Variants in ABI2 observed in about 807,000 individuals in gnomAD.
ABI2 encodes the protein abelson interactor 2.
Under a neutral mutation model 59.2 loss-of-function variants are expected in ABI2, and 25 were observed. The observed-to-expected ratio is 0.42, with a 90% CI of 0.31 to 0.59. The LOEUF (loss-of-function observed/expected upper bound fraction) is 0.59. Ranked by LOEUF, ABI2 falls within the 20% of genes least tolerant of loss-of-function variation. The pLI is 0.14. For synonymous variants in ABI2, 213 were observed against 235.5 expected (o/e 0.90, Z 0.87); for missense variants, 545 against 681.8 (o/e 0.80, Z 2.23).
chr2:203,426,129 T>A (rs1445448101), intron 11 of ABI2, among the ~76,000 whole-genome samples: 2 of 152,218 alleles, frequency 1.3e-5, no homozygotes, highest in Non-Finnish European at 2.9e-5. Context: ...GAAACAAATT[T>A]TCTTTAGGGC....
chr2:203,380,531 C>A, intron 3 of ABI2, 147 bp downstream of exon 3: 1 of 459,750 alleles, frequency 2.2e-6, no homozygotes, highest in Non-Finnish European at 3.7e-6. Context: ...GCTACTATAA[C>A]TGTTTTACCC....
intron 9 of ABI2, 65 bp from the exon 10 acceptor site, chr2:203,411,220 T>C: frequency 8.3e-7 from 1 of 1,206,344 alleles, no homozygotes; most frequent in Non-Finnish European, 1.2e-6. Flanking sequence ...TTTATTGTAT[T>C]ATCCTTTCCT....
intron 11 of ABI2, among the ~76,000 whole-genome samples, chr2:203,417,513 A>C (rs374109398): frequency 1.3e-5 from 2 of 152,206 alleles, no homozygotes; most frequent in East Asian, 3.8e-4. Flanking sequence ...GCCAAGTAAT[A>C]TTGGGCATTT....
intron 4 of ABI2, among the ~76,000 whole-genome samples, chr2:203,390,387 T>A (rs551050315): frequency 1.7e-3 from 265 of 152,330 alleles, no homozygotes; most frequent in South Asian, 1.7e-3. Flanking sequence ...ATCCTAGCAC[T>A]TTGGGAGGCC....
intron 1 of ABI2, among the ~76,000 whole-genome samples, chr2:203,336,551 A>G (rs148113824): frequency 7.5e-4 from 114 of 152,294 alleles, no homozygotes; most frequent in Middle Eastern, 3.4e-3. Flanking sequence ...CCATGAGATG[A>G]GGCTCTCTAT....
At chr2:203,348,934 T>G (rs1224509384) in intron 1 of ABI2, among the ~76,000 whole-genome samples, 1 of 152,042 alleles carries the variant, frequency 6.6e-6, no homozygotes, top group Non-Finnish European at 1.5e-5. Context: ...GTTTGTTTGT[T>G]TGTTTGTTTG....
intron 1 of ABI2, 144 bp from the exon 2 acceptor site, chr2:203,366,733 C>T (rs2094485816): frequency 1.4e-6 from 1 of 704,194 alleles, no homozygotes; most frequent in East Asian, 2.9e-5. Context: ...TTATGTGATA[C>T]CAGTAGTTTT....
In ABI2 at chr2:203,382,013, A is replaced by G. The variant is rs190582792; in HGVS notation, c.463-176A>G. On this transcript the variant is annotated intron_variant, in intron 3 of 11. Coordinates refer to ENST00000261018, the MANE Select transcript of ABI2 (RefSeq NM_001375670.1). ...AAATTCATCAGAGAAACTTCTGTTCATGACACATTCTGCTTTAACCACTCT... is the reference window on the plus strand; with the variant it reads ...AAATTCATCAGAGAAACTTCTGTTCGTGACACATTCTGCTTTAACCACTCT... 3.9e-5 allele frequency among the ~76,000 whole-genome samples: 6 copies of G among 152,318 alleles called. No homozygotes were observed. The East Asian group carries it at 1.2e-3, about 29-fold the overall frequency.
At chr2:203,396,703 A>G in intron 7 of ABI2, 82 bp from the exon 8 acceptor site, 1 of 1,350,312 alleles carries the variant, frequency 7.4e-7, no homozygotes, top group Non-Finnish European at 9.5e-7. Context: ...AATATCTAAC[A>G]TTAAATACTC....
Position 203,377,608 on chromosome 2 carries a change from C to T in ABI2, c.286-2600C>T, listed in dbSNP as rs76042865. Among the ~76,000 whole-genome samples, 800 of 152,236 alleles carry T rather than the reference C, an allele frequency of 5.3e-3. 26 individuals are homozygous for T. The East Asian group carries it at 0.08, about 15-fold the overall frequency. ...ATACTTTTAATGATTTAGAATGACT[C>T]ACTAAACTTTATTCAAGGCCAGTAC... On this transcript the variant is annotated intron_variant, in intron 2 of 11. Transcript: ENST00000261018.
At chr2:203,367,276 A>G (rs953797065) in intron 2 of ABI2, 1 of 438,112 alleles carries the variant, frequency 2.3e-6, no homozygotes, top group Non-Finnish European at 3.5e-6. Context: ...CTCAGTTGTC[A>G]TGGTAACATA....
At chr2:203,334,303 A>G (rs899052947) in intron 1 of ABI2, among the ~76,000 whole-genome samples, 3 of 152,068 alleles carry the variant, frequency 2.0e-5, no homozygotes, top group African/African-American at 7.2e-5. Flanking sequence ...GGTTTACTTT[A>G]TTTAGAGTCA....
intron 1 of ABI2, among the ~76,000 whole-genome samples, chr2:203,349,140 C>T (rs1027305477): frequency 5.3e-5 from 8 of 151,314 alleles, no homozygotes; most frequent in African/African-American, 1.9e-4. Flanking sequence ...TGGGCTTTTG[C>T]CTTGTTGCGC....
intron 5 of ABI2, 58 bp from the exon 6 acceptor site, chr2:203,394,642 G>C (rs2096900216): frequency 1.3e-6 from 2 of 1,541,650 alleles, no homozygotes; most frequent in East Asian, 4.6e-5. Context: ...GCAACTCTTT[G>C]AATTTATTGT....
chr2:203,330,495 AG>A (rs2057239701), intron 1 of ABI2, among the ~76,000 whole-genome samples: 1 of 152,102 alleles, frequency 6.6e-6, no homozygotes, highest in Non-Finnish European at 1.5e-5. Flanking sequence ...CATACCTAGT[AG>A]GAGAGGCTGA....
intron 1 of ABI2, among the ~76,000 whole-genome samples, chr2:203,366,208 C>CT (rs2094425014): frequency 6.6e-6 from 1 of 152,108 alleles, no homozygotes; most frequent in Non-Finnish European, 1.5e-5. Flanking sequence ...AATCCCGGCA[C>CT]TTCAGGAGGC....
rs1402903588 is a variant in ABI2, at chr2:203,430,647, C to T, written c.*3295C>T. 1 of 152,208 alleles carries T rather than the reference C, an allele frequency of 6.6e-6. No individual in the cohort carries two copies. The allele number at this position is 152,208 out of a possible 1,614,324, so 9.4% of individuals were successfully genotyped here. A position where few individuals can be genotyped will look rare whatever the true frequency, so the allele number is the denominator to read the frequency against. ...CATCATTTAGCTACTTCCTATCTCC[C>T]TCAGAGGCGCCTGCTGTTCCCATTT... On this transcript the variant is annotated 3_prime_UTR_variant, in exon 12 of 12. Coordinates refer to ENST00000261018, the MANE Select transcript of ABI2 (RefSeq NM_001375670.1).
chr2:203,417,963 A>AAG lies in ABI2; in HGVS notation c.1453+896_1453+897dup, dbSNP rs796555880. Among the ~76,000 whole-genome samples, 127 of 151,880 alleles carry AAG rather than the reference A, an allele frequency of 8.4e-4. 1 individual carries two copies. Among genetic ancestry groups the AAG allele is most frequent in the Middle Eastern group, 3.4e-3 (1 of 294 alleles). On this transcript the variant is annotated intron_variant, in intron 11 of 11. Coordinates refer to ENST00000261018, the MANE Select transcript of ABI2 (RefSeq NM_001375670.1). Reference sequence around the variant, plus strand: ...GAGAGACGTGGAATATATCTTTAAAAAGAGAGAGAGAGAGAAAGAGAAACA... The same window carrying AAG: ...GAGAGACGTGGAATATATCTTTAAAAAGAGAGAGAGAGAGAGAAAGAGAAACA...
intron 8 of ABI2, among the ~76,000 whole-genome samples, chr2:203,399,520 G>C (rs544253490): frequency 1.8e-3 from 280 of 151,946 alleles, no homozygotes; most frequent in African/African-American, 6.6e-3. Context: ...TTGGCGGGGG[G>C]AGGAGGGGCG....
Sources: gnomAD v4.1 joint callset for allele counts (sites outside exome capture counted in the v4.1 genomes callset) on GRCh38, gnomAD v4.1.1 for gene constraint, MANE v1.5 for transcripts, NCBI Gene and HGNC (gene_info 2026-07-23, HGNC 2026-07-21) for gene names.